Variants in NKAIN2 observed in about 807,000 individuals in gnomAD.
NKAIN2 encodes the protein sodium/potassium transporting ATPase interacting 2.
A neutral mutation model predicts 32.6 loss-of-function variants in NKAIN2; 14 were observed. The ratio of observed to expected loss-of-function variants is 0.43; its 90% CI spans 0.28 to 0.67. The LOEUF (loss-of-function observed/expected upper bound fraction) is 0.67. NKAIN2 is among the 30% of genes least tolerant of loss of function. NKAIN2 has a pLI of 0.17. For synonymous variants in NKAIN2, 80 were observed against 87.2 expected (o/e 0.92, Z 0.46); for missense variants, 198 against 258.3 (o/e 0.77, Z 1.60).
At chr6:124,017,698 C>A (rs916601931) in intron 1 of NKAIN2, among the ~76,000 whole-genome samples, 7 of 152,154 alleles carry the variant, frequency 4.6e-5, no homozygotes, top group African/African-American at 1.7e-4. Flanking sequence ...TGTCTCACAT[C>A]CAGGTCATGC....
chr6:124,728,020 T>C (rs1776425443), intron 4 of NKAIN2, among the ~76,000 whole-genome samples: 2 of 151,692 alleles, frequency 1.3e-5, no homozygotes, highest in South Asian at 2.1e-4. Context: ...ATCCTAAATA[T>C]ATATGCACCC....
chr6:124,747,073 C>G (rs886086355), intron 4 of NKAIN2, among the ~76,000 whole-genome samples: 1 of 151,898 alleles, frequency 6.6e-6, no homozygotes, highest in African/African-American at 2.4e-5. Flanking sequence ...AATATCTTAT[C>G]CTGTTTATGA....
chr6:124,707,851 T>A (rs1352663234), intron 4 of NKAIN2, among the ~76,000 whole-genome samples: 1 of 152,222 alleles, frequency 6.6e-6, no homozygotes, highest in East Asian at 1.9e-4. Context: ...TTTCATTAGA[T>A]CCCATCTGTG....
intron 1 of NKAIN2, among the ~76,000 whole-genome samples, chr6:124,201,834 A>C (rs9482514): frequency 0.014 from 2,106 of 152,086 alleles, 45 homozygotes; most frequent in African/African-American, 0.049. Context: ...TTGGAATTAA[A>C]AGTGTATTGT....
intron 3 of NKAIN2, among the ~76,000 whole-genome samples, chr6:124,484,206 T>C (rs1278833781): frequency 6.6e-6 from 1 of 152,238 alleles, no homozygotes; most frequent in Admixed American, 6.5e-5. Context: ...GAACTCTACA[T>C]GTCCTAAAAT....
intron 2 of NKAIN2, among the ~76,000 whole-genome samples, chr6:124,349,200 C>T (rs1237590065): frequency 2.0e-5 from 3 of 152,010 alleles, no homozygotes; most frequent in Non-Finnish European, 2.9e-5. Context: ...GAAACAGGAA[C>T]CCTCAGCAAA....
intron 2 of NKAIN2, among the ~76,000 whole-genome samples, chr6:124,327,337 C>G (rs557836436): frequency 6.6e-6 from 1 of 151,768 alleles, no homozygotes; most frequent in African/African-American, 2.4e-5. Context: ...TGTATAGGAA[C>G]AAAACTGATT....
intron 3 of NKAIN2, among the ~76,000 whole-genome samples, chr6:124,513,797 T>G (rs759286773): frequency 2.0e-4 from 31 of 152,178 alleles, no homozygotes; most frequent in Non-Finnish European, 1.8e-4. Context: ...AAATAGATGT[T>G]GTTTTAAGCA....
At chr6:124,229,537 C>T (rs4401683) in intron 1 of NKAIN2, among the ~76,000 whole-genome samples, 95,711 of 133,452 alleles carry the variant, frequency 0.72, 32,009 homozygotes, top group South Asian at 0.78. Flanking sequence ...GATAGATAGA[C>T]AGACAGACAG....
chr6:123,854,575 G>A (rs142478167), intron 1 of NKAIN2, among the ~76,000 whole-genome samples: 1 of 152,140 alleles, frequency 6.6e-6, no homozygotes, highest in South Asian at 2.1e-4. Context: ...GCCAGGTGCT[G>A]TGCCAAATGT....
rs902727296 is a variant in NKAIN2, at chr6:123,964,325, G to GCCTGAA, written c.54+160075_54+160080dup. 2.7e-4 allele frequency among the ~76,000 whole-genome samples: 41 copies of GCCTGAA among 152,072 alleles called. No homozygotes were observed. Among genetic ancestry groups the GCCTGAA allele is most frequent in the Admixed American group, 2.4e-3 (37 of 15,254 alleles). ...ATCCCCTGATTTCTGTGTTGCCTTTGCCTGAACCTCCTCTAGTTTCATTAA... is the reference window on the plus strand; with the variant it reads ...ATCCCCTGATTTCTGTGTTGCCTTTGCCTGAACCTGAACCTCCTCTAGTTTCATTAA... On this transcript the variant is annotated intron_variant, in intron 1 of 6. Transcript: ENST00000368417. The surrounding 1 kb of genome is among the most constrained non-coding windows in gnomAD (Gnocchi z 4.0).
intron 2 of NKAIN2, among the ~76,000 whole-genome samples, chr6:124,297,030 C>T (rs1796084201): frequency 6.6e-6 from 1 of 152,182 alleles, no homozygotes; most frequent in South Asian, 2.1e-4. Flanking sequence ...CATTTTCTCT[C>T]TCATAAATGA....
At chr6:124,554,630 C>CT (rs1780408307) in intron 3 of NKAIN2, among the ~76,000 whole-genome samples, 1 of 152,210 alleles carries the variant, frequency 6.6e-6, no homozygotes, top group African/African-American at 2.4e-5. Context: ...TTGATCCCAA[C>CT]TTTCCTTATG....
intron 1 of NKAIN2, among the ~76,000 whole-genome samples, chr6:124,043,449 A>G (rs1365153773): frequency 6.6e-6 from 1 of 152,098 alleles, no homozygotes; most frequent in East Asian, 1.9e-4. Flanking sequence ...ACCCTATATG[A>G]CAGTGGCTAA....
At chr6:124,045,551 C>T (rs1350080665) in intron 1 of NKAIN2, among the ~76,000 whole-genome samples, 2 of 151,894 alleles carry the variant, frequency 1.3e-5, no homozygotes, top group African/African-American at 4.8e-5. Flanking sequence ...TGTGTCTGCC[C>T]TTGTATGAAA....
intron 1 of NKAIN2, among the ~76,000 whole-genome samples, chr6:124,102,009 C>T (rs958971932): frequency 1.3e-5 from 2 of 152,130 alleles, no homozygotes; most frequent in African/African-American, 4.8e-5. Flanking sequence ...AATGATGGCC[C>T]AACACTCACG....
At chr6:123,890,965 G>A (rs1420309502) in intron 1 of NKAIN2, among the ~76,000 whole-genome samples, 3 of 152,092 alleles carry the variant, frequency 2.0e-5, no homozygotes, top group Non-Finnish European at 2.9e-5. Flanking sequence ...ATGATGGATG[G>A]ACAAACAAAA....
At chr6:124,137,767 G>T (rs746345325) in intron 1 of NKAIN2, among the ~76,000 whole-genome samples, 1 of 152,062 alleles carries the variant, frequency 6.6e-6, no homozygotes, top group Non-Finnish European at 1.5e-5. Context: ...AGTCGGAAAA[G>T]GACACCCAAT....
intron 2 of NKAIN2, among the ~76,000 whole-genome samples, chr6:124,317,132 ATAAAAT>A (rs1175222035): frequency 6.6e-6 from 1 of 151,740 alleles, no homozygotes; most frequent in African/African-American, 2.4e-5. Context: ...TCTTTAAAAA[ATAAAAT>A]AAAATAAGGA....
Sources: allele counts gnomAD v4.1 joint callset (sites outside exome capture counted in the v4.1 genomes callset), GRCh38; gene constraint gnomAD v4.1.1; non-coding constraint Gnocchi (gnomAD v3.1); transcripts MANE v1.5; gene names NCBI Gene and HGNC (gene_info 2026-07-23, HGNC 2026-07-21).